TTLL6: variants seen among roughly 807,000 people sequenced by gnomAD.
TTLL6 encodes the protein tubulin tyrosine ligase like 6.
In TTLL6, 75 loss-of-function variants were observed where a neutral mutation model predicts 96.4. The observed-to-expected ratio is 0.78, with a 90% CI of 0.65 to 0.94. TTLL6 has a LOEUF of 0.94. Ranked by LOEUF, TTLL6 falls within the 40% of genes least tolerant of loss-of-function variation. The probability of loss-of-function intolerance (pLI) is 0.00; values close to 1 mark genes in which losing one functional copy is unlikely to be tolerated. For missense variants in TTLL6, 1,030 were observed against 1,093.0 expected, an observed-to-expected ratio of 0.94 and a Z score of 0.81; for synonymous variants, 411 against 419.4, an observed-to-expected ratio of 0.98 and a Z score of 0.24.
chr17:48,803,988 A>G, intron 2 of TTLL6, 60 bp from the exon 3 acceptor site: 1 of 1,528,830 alleles, frequency 6.5e-7, no homozygotes, highest in South Asian at 1.2e-5. Context: ...AGAACAAGTG[A>G]CTGTATCCAG....
chr17:48,776,922 C>G (rs189243669), intron 13 of TTLL6, among the ~76,000 whole-genome samples: 3 of 151,472 alleles, frequency 2.0e-5, no homozygotes, highest in Non-Finnish European at 4.4e-5. Flanking sequence ...TGAAAAAGAA[C>G]AGCAAAAGTG....
intron 10 of TTLL6, among the ~76,000 whole-genome samples, chr17:48,788,444 TG>T (rs2039151492): frequency 6.6e-6 from 1 of 152,146 alleles, no homozygotes; most frequent in Non-Finnish European, 1.5e-5. Flanking sequence ...CACAGCCCCC[TG>T]GGGGAAGTGG....
At chr17:48,786,368 G>A (rs1398523668) in intron 11 of TTLL6, 33 bp from the exon 12 acceptor site, 2 of 1,613,534 alleles carry the variant, frequency 1.2e-6, no homozygotes, top group Non-Finnish European at 1.7e-6. Flanking sequence ...CATCATGGGG[G>A]TTAGAAATGC....
intron 1 of TTLL6, among the ~76,000 whole-genome samples, chr17:48,814,360 C>CA (rs1211163012): frequency 6.7e-6 from 1 of 148,972 alleles, no homozygotes; most frequent in African/African-American, 2.5e-5. Flanking sequence ...GCTGTACTAC[C>CA]AATGTAACAA....
intron 13 of TTLL6, among the ~76,000 whole-genome samples, chr17:48,782,486 A>G (rs1567721218): frequency 6.6e-6 from 1 of 152,092 alleles, no homozygotes; most frequent in Non-Finnish European, 1.5e-5. Context: ...CCATTGCCCA[A>G]GTTGCCTTTT....
chr17:48,791,683 C>T (rs2039228205), intron 8 of TTLL6, 80 bp from the exon 9 acceptor site: 1 of 1,247,736 alleles, frequency 8.0e-7, no homozygotes, highest in African/African-American at 1.5e-5. Context: ...AAACCAGAAA[C>T]TCCTGGCGGA....
intron 13 of TTLL6, among the ~76,000 whole-genome samples, chr17:48,774,108 A>AAAAAAAAAAAAAAAC: frequency 7.7e-6 from 1 of 130,490 alleles, no homozygotes. Context: ...AAAAAAAAAA[A>AAAAAAAAAAAAAAAC]AAAACAAGAA....
At chr17:48,808,449 T>C (rs2039536444) in intron 1 of TTLL6, among the ~76,000 whole-genome samples, 1 of 152,126 alleles carries the variant, frequency 6.6e-6, no homozygotes, top group Non-Finnish European at 1.5e-5. Flanking sequence ...ATTCCCATGT[T>C]GCTTCCCAGA....
chr17:48,808,374 A>G (rs1029784019), intron 1 of TTLL6, among the ~76,000 whole-genome samples: 28 of 148,706 alleles, frequency 1.9e-4, no homozygotes, highest in African/African-American at 2.2e-4. Context: ...TCTCATATGT[A>G]TGTGTGTGTG....
Position 48,762,864 on chromosome 17 carries a change from A to G in TTLL6, c.*110T>C, listed in dbSNP as rs1273050602. ...AAGACCAGTATATCTAGATGAGCAAACAAAACTTCAGTTGATTCTGTGAAC... is the reference window on the plus strand; with the variant it reads ...AAGACCAGTATATCTAGATGAGCAAGCAAAACTTCAGTTGATTCTGTGAAC... On this transcript the variant is annotated 3_prime_UTR_variant, in exon 16 of 16. Transcript: ENST00000393382. 2 of 451,522 alleles carry G rather than the reference A, an allele frequency of 4.4e-6. No homozygotes were observed. The highest frequency in any genetic ancestry group is 8.9e-6 in the Non-Finnish European group (2 of 225,672). The allele number at this position is 451,522 out of a possible 1,614,324, so 28.0% of individuals were successfully genotyped here.
chr17:48,764,035 C>A (rs1434177298), intron 15 of TTLL6, among the ~76,000 whole-genome samples: 1 of 151,842 alleles, frequency 6.6e-6, no homozygotes, highest in African/African-American at 2.4e-5. Flanking sequence ...ACTCAGGAGG[C>A]AGAAGTGGGA....
At chr17:48,789,525 G>A (rs966859854) in intron 10 of TTLL6, among the ~76,000 whole-genome samples, 38 of 152,174 alleles carry the variant, frequency 2.5e-4, no homozygotes, top group African/African-American at 6.5e-4. Context: ...GTAGGCTGTC[G>A]AGTCATAATT....
chr17:48,803,310 T>C (rs2039455196), intron 3 of TTLL6, among the ~76,000 whole-genome samples: 2 of 151,780 alleles, frequency 1.3e-5, no homozygotes, highest in South Asian at 4.2e-4. Flanking sequence ...GCATGGCCAA[T>C]GCTGCGAAAC....
At chr17:48,778,007 T>C (rs2143260367) in intron 13 of TTLL6, among the ~76,000 whole-genome samples, 1 of 152,288 alleles carries the variant, frequency 6.6e-6, no homozygotes, top group African/African-American at 2.4e-5. Context: ...GGGCGCCCGG[T>C]GGCTCACGCC....
At chr17:48,779,535 G>C (rs1270913073) in intron 13 of TTLL6, among the ~76,000 whole-genome samples, 1 of 152,072 alleles carries the variant, frequency 6.6e-6, no homozygotes, top group Non-Finnish European at 1.5e-5. Flanking sequence ...TTGATCCAGT[G>C]ATCCTTCTCC....
chr17:48,812,974 G>A (rs1464659341), intron 1 of TTLL6, among the ~76,000 whole-genome samples: 1 of 152,172 alleles, frequency 6.6e-6, no homozygotes, highest in East Asian at 1.9e-4. Flanking sequence ...CACTTACCAA[G>A]TAGCAGACAT....
At chr17:48,774,091 C>CAAAAAAAAAAA (rs1555563596) in intron 13 of TTLL6, among the ~76,000 whole-genome samples, 1 of 106,450 alleles carries the variant, frequency 9.4e-6, no homozygotes, top group South Asian at 2.9e-4. Context: ...TCAAAAAAAA[C>CAAAAAAAAAAA]AAAACAAAAA....
chr17:48,796,958 A>G, intron 7 of TTLL6, 103 bp downstream of exon 7: 1 of 1,332,416 alleles, frequency 7.5e-7, no homozygotes, highest in Non-Finnish European at 1.0e-6. Flanking sequence ...AGTGCTCAAC[A>G]AATGACACTC....
intron 15 of TTLL6, among the ~76,000 whole-genome samples, chr17:48,763,289 A>G (rs2038525067): frequency 6.6e-6 from 1 of 152,200 alleles, no homozygotes; most frequent in South Asian, 2.1e-4. Context: ...CCATTTGGAA[A>G]GAGACAACAA....
Sources: allele counts gnomAD v4.1 joint callset (sites outside exome capture counted in the v4.1 genomes callset), GRCh38; gene constraint gnomAD v4.1.1; transcripts MANE v1.5; gene names NCBI Gene and HGNC (gene_info 2026-07-23, HGNC 2026-07-21).